The following EPYC variants were observed in gnomAD, a reference collection of about 807,000 sequenced individuals.
EPYC encodes dermatan sulfate proteoglycan 3.
Under a neutral mutation model 30.1 loss-of-function variants are expected in EPYC, and 28 were observed. That is an observed-to-expected ratio of 0.93 (90% CI 0.69 to 1.28). EPYC has a LOEUF of 1.28. EPYC is among the 50% of genes most tolerant of loss of function. EPYC has a pLI of 0.00. For synonymous variants in EPYC, 144 were observed against 141.4 expected (o/e 1.02, Z -0.13); for missense variants, 382 against 383.5 (o/e 1.00, Z 0.03).
chr12:90,981,665 T>C (rs1877328744), intron 2 of EPYC, among the ~76,000 whole-genome samples: 1 of 152,020 alleles, frequency 6.6e-6, no homozygotes, highest in African/African-American at 2.4e-5. Context: ...AATTTCAGGG[T>C]AAAAATATGA....
chr12:91,000,052 G>A (rs11105909), intron 2 of EPYC, among the ~76,000 whole-genome samples: 8,512 of 152,018 alleles, frequency 0.056, 340 homozygotes, highest in African/African-American at 0.1. Context: ...ATATGTATAT[G>A]CCTATTTATA....
chr12:90,980,195 C>T (rs1592626496), intron 2 of EPYC, among the ~76,000 whole-genome samples: 1 of 152,116 alleles, frequency 6.6e-6, no homozygotes, highest in South Asian at 2.1e-4. Context: ...ATTCCAGACA[C>T]GTTGCCTTGA....
chr12:90,982,196 C>A (rs1345757082), intron 2 of EPYC, among the ~76,000 whole-genome samples: 1 of 152,116 alleles, frequency 6.6e-6, no homozygotes, highest in Non-Finnish European at 1.5e-5. Context: ...ACTATCCTCT[C>A]TTAGCTGGAA....
chr12:90,984,953 A>G (rs1877415804), intron 2 of EPYC, among the ~76,000 whole-genome samples: 1 of 152,178 alleles, frequency 6.6e-6, no homozygotes, highest in Admixed American at 6.6e-5. Context: ...TGATAGGTAT[A>G]TAGATGTCCT....
At chr12:90,995,191 C>T (rs1877671078) in intron 2 of EPYC, among the ~76,000 whole-genome samples, 1 of 152,034 alleles carries the variant, frequency 6.6e-6, no homozygotes, top group Non-Finnish European at 1.5e-5. Context: ...TCTATTTTAT[C>T]TTGAAAATAG....
intron 2 of EPYC, among the ~76,000 whole-genome samples, 155 bp downstream of exon 2, chr12:91,002,245 AG>A (rs1176743348): frequency 1.3e-5 from 2 of 151,384 alleles, no homozygotes; most frequent in Non-Finnish European, 2.9e-5. Context: ...AACCTCCAAA[AG>A]ATTGAACATG....
chr12:90,998,989 T>C (rs1877760707), intron 2 of EPYC, among the ~76,000 whole-genome samples: 1 of 152,188 alleles, frequency 6.6e-6, no homozygotes, highest in South Asian at 2.1e-4. Flanking sequence ...ACCAAATTGG[T>C]CCTTCTATCT....
chr12:90,968,396 G>T (rs913244750), intron 6 of EPYC, among the ~76,000 whole-genome samples: 1 of 152,082 alleles, frequency 6.6e-6, no homozygotes, highest in African/African-American at 2.4e-5. Flanking sequence ...AGATAGTTTT[G>T]GGTCTAGAAT....
intron 4 of EPYC, 61 bp from the exon 5 acceptor site, chr12:90,972,063 A>G (rs1877065540): frequency 3.8e-6 from 4 of 1,045,206 alleles, no homozygotes; most frequent in Non-Finnish European, 5.4e-6. Flanking sequence ...TAAAAATATA[A>G]ATGTAATTTT....
chr12:90,997,282 A>T (rs1877715098), intron 2 of EPYC, among the ~76,000 whole-genome samples: 1 of 152,078 alleles, frequency 6.6e-6, no homozygotes, highest in Non-Finnish European at 1.5e-5. Flanking sequence ...AAGTAATTAT[A>T]TAAGGCTACG....
At chr12:90,997,917 A>T (rs1877732337) in intron 2 of EPYC, among the ~76,000 whole-genome samples, 3 of 152,222 alleles carry the variant, frequency 2.0e-5, no homozygotes, top group Admixed American at 2.0e-4. Context: ...AGTTAAAAGA[A>T]CAATTTAGAG....
rs538307446 is a variant in EPYC, at chr12:90,983,906, G to T, written c.166-5644C>A. On this transcript the variant is annotated intron_variant, in intron 2 of 6. Transcript: ENST00000261172. ...TTTGCCCAAAGCCCCATTGGAGGGG[G>T]TTACTATCTGGAATTTTAGGATCCC... 2.6e-5 allele frequency among the ~76,000 whole-genome samples: 4 copies of T among 152,204 alleles called. No individual in the cohort carries two copies. In the South Asian group the frequency reaches 6.2e-4, roughly 24 times the overall value.
At chr12:90,978,993 A>C (rs1352886043) in intron 2 of EPYC, among the ~76,000 whole-genome samples, 1 of 152,194 alleles carries the variant, frequency 6.6e-6, no homozygotes, top group African/African-American at 2.4e-5. Context: ...TTATAAAATT[A>C]CAAAATTATT....
At chr12:90,991,607 G>C (rs1480390362) in intron 2 of EPYC, among the ~76,000 whole-genome samples, 1 of 152,114 alleles carries the variant, frequency 6.6e-6, no homozygotes. Flanking sequence ...TCTTTTTCTA[G>C]ATGACACAGT....
chr12:90,978,499 T>A (rs780569989), intron 2 of EPYC, among the ~76,000 whole-genome samples: 1 of 151,824 alleles, frequency 6.6e-6, no homozygotes, highest in Non-Finnish European at 1.5e-5. Flanking sequence ...TTTTTTTTTT[T>A]GGTCTTCTTG....
chr12:90,994,432 G>A (rs1012210853), intron 2 of EPYC, among the ~76,000 whole-genome samples: 1 of 152,134 alleles, frequency 6.6e-6, no homozygotes, highest in Non-Finnish European at 1.5e-5. Context: ...GCCCAGAGAG[G>A]TTGTATGACT....
chr12:90,969,356 A>T (rs1876976934), intron 6 of EPYC, among the ~76,000 whole-genome samples: 1 of 152,072 alleles, frequency 6.6e-6, no homozygotes, highest in South Asian at 2.1e-4. Flanking sequence ...AATAAGAAAT[A>T]ATTTATATTT....
chr12:91,002,677 T>A (rs1203100992), intron 1 of EPYC, 99 bp from the exon 2 acceptor site: 1 of 908,006 alleles, frequency 1.1e-6, no homozygotes, highest in Non-Finnish European at 1.6e-6. Context: ...ATCAAAGAAC[T>A]CAAGCTGGTA....
At chr12:90,991,344 A>T (rs1877582037) in intron 2 of EPYC, among the ~76,000 whole-genome samples, 1 of 152,184 alleles carries the variant, frequency 6.6e-6, no homozygotes, top group Non-Finnish European at 1.5e-5. Context: ...TCCAATGAAA[A>T]TTATGCATAT....
Sources: gnomAD v4.1 joint callset for allele counts (sites outside exome capture counted in the v4.1 genomes callset) on GRCh38, gnomAD v4.1.1 for gene constraint, MANE v1.5 for transcripts, NCBI Gene and HGNC (gene_info 2026-07-23, HGNC 2026-07-21) for gene names.